The following KRT73 variants were observed in gnomAD, a reference collection of about 807,000 sequenced individuals.
KRT73 encodes keratin 73.
A neutral mutation model predicts 47.2 loss-of-function variants in KRT73; 44 were observed. The observed-to-expected ratio is 0.93, with a 90% CI of 0.73 to 1.20. The LOEUF (loss-of-function observed/expected upper bound fraction) is 1.20, where lower values mean the gene tolerates loss of function less well. Ranked by LOEUF, KRT73 falls within the 50% of genes most tolerant of loss-of-function variation. The pLI is 0.00. For missense variants in KRT73, 713 were observed against 704.5 expected (o/e 1.01, Z -0.14); for synonymous variants, 285 against 291.3 (o/e 0.98, Z 0.22).
At chr12:52,613,911 TGATGGCCCTGTCCCAGAGG>T (rs1470464304) in intron 4 of KRT73, 59 bp from the exon 5 acceptor site, 9 of 1,583,146 alleles carry the variant, frequency 5.7e-6, no homozygotes, top group African/African-American at 4.0e-5. Flanking sequence ...GGTCCCAAGG[TGATGGCCCTGTCCCAGAGG>T]GATGGCCCTA....
At chr12:52,613,025 G>A (rs1011967201) in intron 5 of KRT73, among the ~76,000 whole-genome samples, 1 of 152,154 alleles carries the variant, frequency 6.6e-6, no homozygotes, top group Non-Finnish European at 1.5e-5. Flanking sequence ...CCTAGACCTT[G>A]AAAGCCTCTC....
chr12:52,623,943 A>T, the KRT73 span, among the ~76,000 whole-genome samples: 1 of 152,020 alleles, frequency 6.6e-6, no homozygotes, highest in Non-Finnish European at 1.5e-5. Context: ...AGAAAACAAA[A>T]ATTTAAATGG....
chr12:52,610,064 GT>G (rs1940661968), intron 7 of KRT73: 5 of 110,714 alleles, frequency 4.5e-5, no homozygotes, highest in African/African-American at 2.1e-4. Context: ...TGTTTTGTCT[GT>G]TTGTTTGTTT....
upstream of KRT73, among the ~76,000 whole-genome samples, chr12:52,619,275 A>G (rs1245352450): frequency 6.6e-6 from 1 of 152,238 alleles, no homozygotes; most frequent in Non-Finnish European, 1.5e-5. Context: ...GATGGCTGAC[A>G]CTGGTGCAGC....
upstream of KRT73, chr12:52,618,560 C>T (rs1940860174): frequency 6.5e-7 from 1 of 1,549,290 alleles, no homozygotes; most frequent in Non-Finnish European, 8.7e-7. Context: ...AAGATGCTGA[C>T]CCTTAGCTGA....
Position 52,608,297 on chromosome 12 carries a change from G to A in KRT73, c.1522C>T (p.Arg508Cys), listed in dbSNP as rs116777147. 8.9e-4 allele frequency: 1,443 copies of A among 1,613,822 alleles called. 2 individuals are homozygous for A. The highest frequency in any genetic ancestry group is 1.2e-3 in the Non-Finnish European group (1,372 of 1,179,938). ...CVTGSGNCSP[R>C]GEARTRLGSA... ...CCCAGCCTGGTCCTGGCTTCCCCAC[G>A]GGGGCTACAGTTCCCACTGCCAGTG... Residue 508 changes from arginine (R) to cysteine (C), a missense_variant, in exon 9 of 9, where the codon CGT becomes TGT. Physicochemically the swap from Arg to Cys is radical, Grantham distance 180. Coordinates refer to ENST00000305748, the MANE Select transcript of KRT73 (RefSeq NM_175068.3).
chr12:52,628,859 G>A, the KRT73 span, among the ~76,000 whole-genome samples: 1 of 152,204 alleles, frequency 6.6e-6, no homozygotes, highest in Non-Finnish European at 1.5e-5. Context: ...AAAGGTGGGG[G>A]TAGAGCCAGA....
chr12:52,620,485 A>G (rs149795465), upstream of KRT73, among the ~76,000 whole-genome samples: 1,979 of 152,308 alleles, frequency 0.013, 25 homozygotes, highest in Non-Finnish European at 0.019. Flanking sequence ...AATGCTTAGT[A>G]TTCCAGCCAG....
intron 6 of KRT73, 32 bp downstream of exon 6, chr12:52,611,172 G>T (rs747780836): frequency 6.2e-7 from 1 of 1,613,144 alleles, no homozygotes; most frequent in Admixed American, 1.7e-5. Context: ...CCTCCCTTAG[G>T]AGTGAGTAAG....
intron 3 of KRT73, 60 bp downstream of exon 3, chr12:52,615,217 CCT>C: frequency 7.0e-7 from 1 of 1,433,978 alleles, no homozygotes; most frequent in African/African-American, 1.4e-5. Flanking sequence ...CTCAGCTGCT[CCT>C]CTCTCTTAGC....
chr12:52,614,965 C>A (rs962776652), intron 3 of KRT73: 3 of 529,212 alleles, frequency 5.7e-6, no homozygotes, highest in Non-Finnish European at 1.0e-5. Context: ...AGGACAGCCA[C>A]GGCGATTTGC....
chr12:52,616,011 T>G (rs912336643), intron 2 of KRT73, among the ~76,000 whole-genome samples, 155 bp downstream of exon 2: 4 of 152,176 alleles, frequency 2.6e-5, no homozygotes, highest in African/African-American at 9.7e-5. Context: ...AGGCTGGTTG[T>G]CCACTGTCTA....
In KRT73 at chr12:52,611,301, C is replaced by T. The variant is rs372146056; in HGVS notation, c.1013G>A (p.Arg338Gln). The change falls in exon 6 of 9, where the codon CGG (arginine) becomes CAG (glutamine). Residue 338 changes from arginine to glutamine, a missense_variant. By Grantham distance (43) the Arg-to-Gln change is conservative. Coordinates refer to ENST00000305748, the MANE Select transcript of KRT73 (RefSeq NM_175068.3). Reference protein sequence around the residue: ...KFQELQLAAGRHGDDLKHTKN... With the variant: ...KFQELQLAAGQHGDDLKHTKN... Reference sequence around the variant, plus strand: ...GGTGTGTTTCAGGTCATCCCCATGCCGGCCGGCTGCTAGCTGCAGCTCCTG... The same window carrying T: ...GGTGTGTTTCAGGTCATCCCCATGCTGGCCGGCTGCTAGCTGCAGCTCCTG... The T allele has an allele frequency of 4.2e-5, 68 of 1,614,110 alleles. No individual in the cohort carries two copies. In the East Asian group the frequency reaches 6.9e-4, roughly 16 times the overall value.
chr12:52,608,530 G>C (rs116841815), intron 8 of KRT73, 78 bp from the exon 9 acceptor site: 21,543 of 1,298,516 alleles, frequency 0.017, 232 homozygotes, highest in Non-Finnish European at 0.019. Context: ...CAACCTCCCA[G>C]CCCCACTAGC....
At chr12:52,616,605 T>A (rs1026724243) in intron 1 of KRT73, among the ~76,000 whole-genome samples, 8 of 152,118 alleles carry the variant, frequency 5.3e-5, no homozygotes, top group Admixed American at 1.3e-4. Context: ...GGGGCACCAA[T>A]GTCTTCATTT....
chr12:52,611,435 C>T lies in KRT73; in HGVS notation c.985-106G>A, dbSNP rs571690458. 2.4e-5 allele frequency: 33 copies of T among 1,381,452 alleles called. 2 individuals are homozygous for T. The South Asian group carries it at 4.2e-4, about 18-fold the overall frequency. The allele number at this position is 1,381,452 out of a possible 1,614,324, so 85.6% of individuals were successfully genotyped here. ...TTGCAGAGCCTGGCAGAGGTGGGTC[C>T]AGGTCCCCCGCCTCACCATGTCTAT... On this transcript the variant is annotated intron_variant, in intron 5 of 8. Transcript: ENST00000305748.
chr12:52,625,171 G>A, the KRT73 span, among the ~76,000 whole-genome samples: 2 of 152,084 alleles, frequency 1.3e-5, no homozygotes, highest in South Asian at 4.1e-4. Flanking sequence ...TAAAAACTTT[G>A]TACTGCAAAA....
rs1267776088 is a variant in KRT73, at chr12:52,610,814, T to A, written c.1132A>T (p.Ile378Phe). 6.2e-7 allele frequency: 1 copy of A among 1,612,730 alleles called. No individual in the cohort carries two copies. The highest frequency in any genetic ancestry group is 2.2e-5 in the East Asian group (1 of 44,876). The change falls in exon 7 of 9, where the codon ATC (isoleucine) becomes TTC (phenylalanine). Residue 378 changes from isoleucine (I) to phenylalanine (F), a missense_variant. Ile to Phe is a conservative substitution (Grantham distance 21). Transcript: ENST00000305748. The stretch of plus-strand genomic sequence containing the variant: ...TCCCCCCGCTGCTCGGCGTCAGCGA[T>A]GGCCGTCTCCAGGTTGGCACACTGG... The part of the protein sequence containing the change: ...KKQCANLETA[I>F]ADAEQRGDCA...
At chr12:52,613,117 G>A (rs1940736892) in intron 5 of KRT73, among the ~76,000 whole-genome samples, 1 of 151,676 alleles carries the variant, frequency 6.6e-6, no homozygotes, top group Admixed American at 6.6e-5. Context: ...CCTTGAGAAA[G>A]AGCCTGATAA....
Sources: allele counts gnomAD v4.1 joint callset (sites outside exome capture counted in the v4.1 genomes callset), GRCh38; gene constraint gnomAD v4.1.1; transcripts MANE v1.5; gene names NCBI Gene and HGNC (gene_info 2026-07-23, HGNC 2026-07-21).